PSD3: variants seen among roughly 807,000 people sequenced by gnomAD.
The protein encoded by PSD3 is pleckstrin and Sec7 domain containing 3, also known as PH and SEC7 domain-containing protein 3.
PSD3 carries 49 observed loss-of-function variants against 105.5 expected under a neutral mutation model. The ratio of observed to expected loss-of-function variants is 0.46; its 90% CI spans 0.37 to 0.59. PSD3 has a LOEUF of 0.59. Ranked by LOEUF, PSD3 falls within the 20% of genes least tolerant of loss-of-function variation. The probability of loss-of-function intolerance (pLI) is 0.00; values close to 1 mark genes in which losing one functional copy is unlikely to be tolerated. For missense variants in PSD3, 1,561 were observed against 1,263.8 expected (o/e 1.24, Z -3.57); for synonymous variants, 557 against 457.8 (o/e 1.22, Z -2.77).
chr8:18,975,962 A>T (rs1824923218), intron 1 of PSD3, among the ~76,000 whole-genome samples: 1 of 152,156 alleles, frequency 6.6e-6, no homozygotes, highest in Admixed American at 6.5e-5. Context: ...AATACGAATC[A>T]ATGCCTTAAA....
intron 1 of PSD3, among the ~76,000 whole-genome samples, chr8:19,077,846 G>A (rs1285644483): frequency 6.6e-6 from 1 of 152,120 alleles, no homozygotes; most frequent in Non-Finnish European, 1.5e-5. Flanking sequence ...AGGGCATGTG[G>A]CTAATCTCCA....
chr8:18,987,803 A>G, intron 1 of PSD3, among the ~76,000 whole-genome samples: 1 of 152,044 alleles, frequency 6.6e-6, no homozygotes, highest in East Asian at 1.9e-4. Context: ...ACAGAGCAAG[A>G]CCCTGTCTCA....
At chr8:19,047,774 T>A (rs1828376871) in intron 1 of PSD3, among the ~76,000 whole-genome samples, 1 of 152,052 alleles carries the variant, frequency 6.6e-6, no homozygotes, top group Non-Finnish European at 1.5e-5. Flanking sequence ...TGGGTGTGCA[T>A]TAGAACAAGG....
intron 8 of PSD3, among the ~76,000 whole-genome samples, chr8:18,787,951 T>G (rs1376947643): frequency 6.6e-6 from 1 of 152,082 alleles, no homozygotes; most frequent in African/African-American, 2.4e-5. Context: ...GACCAGAGAG[T>G]AAATATTTTA....
intron 8 of PSD3, among the ~76,000 whole-genome samples, chr8:18,782,560 G>C (rs1808741983): frequency 6.6e-6 from 1 of 152,186 alleles, no homozygotes; most frequent in African/African-American, 2.4e-5. Context: ...AACAGTGATG[G>C]CAACTCTGGG....
chr8:18,736,152 G>A (rs1038325216), intron 9 of PSD3, among the ~76,000 whole-genome samples: 3 of 152,160 alleles, frequency 2.0e-5, no homozygotes, highest in Non-Finnish European at 4.4e-5. Flanking sequence ...TATATCTCAC[G>A]TAATTTCTAT....
At chr8:18,895,714 A>G (rs1462263219) in intron 2 of PSD3, among the ~76,000 whole-genome samples, 2 of 152,232 alleles carry the variant, frequency 1.3e-5, no homozygotes, top group Non-Finnish European at 2.9e-5. Context: ...GATACAGTGT[A>G]TTTCCACACA....
rs1456768393 is a variant in PSD3, at chr8:18,955,019, A to C, written c.22-18877T>G. The stretch of plus-strand genomic sequence containing the variant: ...AAATAAGCAGAGTACACAATGTGCT[A>C]GTCAGCTTTCACTAGATTAGTTGTG... On this transcript the variant is annotated intron_variant, in intron 1 of 15. Transcript: ENST00000327040. Among the ~76,000 whole-genome samples, 5 of 152,360 alleles carry C rather than the reference A, an allele frequency of 3.3e-5. No individual in the cohort carries two copies. In the East Asian group the frequency reaches 9.6e-4, roughly 29 times the overall value.
At chr8:18,814,257 C>A (rs769049434) in intron 4 of PSD3, among the ~76,000 whole-genome samples, 1 of 152,158 alleles carries the variant, frequency 6.6e-6, no homozygotes, top group Non-Finnish European at 1.5e-5. Context: ...CAGCCCCACC[C>A]GCCGCATACC....
At chr8:18,707,945 G>C (rs1328258263) in intron 9 of PSD3, among the ~76,000 whole-genome samples, 1 of 152,200 alleles carries the variant, frequency 6.6e-6, no homozygotes, top group Admixed American at 6.5e-5. Context: ...GAATTGCTCA[G>C]GGCAACAGAG....
chr8:18,715,065 G>C (rs1422100170), intron 9 of PSD3, among the ~76,000 whole-genome samples: 1 of 152,210 alleles, frequency 6.6e-6, no homozygotes, highest in Non-Finnish European at 1.5e-5. Flanking sequence ...TCACTCATAA[G>C]TGGGAGATGA....
intron 11 of PSD3, among the ~76,000 whole-genome samples, chr8:18,608,207 G>A (rs1351389059): frequency 6.6e-6 from 1 of 152,136 alleles, no homozygotes; most frequent in Non-Finnish European, 1.5e-5. Context: ...GTGACAAAGT[G>A]AGATCCTGTC....
rs1396646575 is a variant in PSD3, at chr8:18,755,487, A to ATAACATAACATAAG, written c.2172+9961_2172+9962insCTTATGTTATGTTA. 7.3e-3 allele frequency among the ~76,000 whole-genome samples: 591 copies of ATAACATAACATAAG among 80,812 alleles called. 6 individuals carry two copies. Among genetic ancestry groups the ATAACATAACATAAG allele is most frequent in the South Asian group, 0.018 (46 of 2,492 alleles). The allele number at this position is 80,812 out of a possible 152,430, so 53.0% of individuals were successfully genotyped here. ...CATAACATAACATAACATAACATAAAAATGCTCCAAACATACAAACATTCA... is the reference window on the plus strand; with the variant it reads ...CATAACATAACATAACATAACATAAATAACATAACATAAGAATGCTCCAAACATACAAACATTCA... On this transcript the variant is annotated intron_variant, in intron 9 of 15. Transcript: ENST00000327040.
rs1563293870 is a variant in PSD3 at position 18,533,254 on chromosome 8, G to C, written c.*2489C>G. On this transcript the variant is annotated 3_prime_UTR_variant, in exon 16 of 16. Coordinates refer to ENST00000327040, the MANE Select transcript of PSD3 (RefSeq NM_015310.4). Reference sequence around the variant, plus strand: ...GACAGCAACCTTCAGAAGCCTCAGGGAAGAGGTGTTCTCAGCCCATGCGCT... The same window carrying C: ...GACAGCAACCTTCAGAAGCCTCAGGCAAGAGGTGTTCTCAGCCCATGCGCT... 1 of 152,196 alleles carries C rather than the reference G, an allele frequency of 6.6e-6. No individual in the cohort carries two copies. Among genetic ancestry groups the C allele is most frequent in the Non-Finnish European group, 1.5e-5 (1 of 68,066 alleles). The allele number at this position is 152,196 out of a possible 1,614,324, so 9.4% of individuals were successfully genotyped here.
At chr8:18,595,985 G>C (rs1296550897) in intron 12 of PSD3, among the ~76,000 whole-genome samples, 3 of 151,834 alleles carry the variant, frequency 2.0e-5, no homozygotes, top group Non-Finnish European at 2.9e-5. Flanking sequence ...ACATTCTCTG[G>C]GATAGATAAA....
At chr8:19,066,359 T>A (rs1829075494) in intron 1 of PSD3, among the ~76,000 whole-genome samples, 1 of 152,264 alleles carries the variant, frequency 6.6e-6, no homozygotes, top group African/African-American at 2.4e-5. Context: ...TCTGGCTGGA[T>A]ATAGGCCATT....
chr8:18,843,920 T>G (rs1046375366), intron 4 of PSD3, among the ~76,000 whole-genome samples: 1 of 146,602 alleles, frequency 6.8e-6, no homozygotes, highest in African/African-American at 2.5e-5. Flanking sequence ...AGACTATTTT[T>G]TTTTTTTTTT....
Position 18,531,292 on chromosome 8 carries a change from TTCTC to T in PSD3, c.*4447_*4450del, listed in dbSNP as rs767925851. 6.5e-6 allele frequency: 1 copy of T among 152,688 alleles called. No homozygotes were observed. The highest frequency in any genetic ancestry group is 1.5e-5 in the Non-Finnish European group (1 of 68,054). 9.5% of individuals were successfully genotyped at this position (152,688 alleles called of 1,614,324 possible). ...ATGCAGATTCAAGTATTTAATGACA[TTCTC>T]TCTATGAAGACATTCTCTCTGCATG... On this transcript the variant is annotated 3_prime_UTR_variant, in exon 16 of 16. Coordinates refer to ENST00000327040, the MANE Select transcript of PSD3 (RefSeq NM_015310.4).
intron 1 of PSD3, among the ~76,000 whole-genome samples, chr8:19,055,516 G>T (rs1022871066): frequency 7.2e-5 from 11 of 152,328 alleles, no homozygotes; most frequent in African/African-American, 2.6e-4. Flanking sequence ...GCCTCCCAAA[G>T]TGCTGGGATT....
Sources: allele counts gnomAD v4.1 joint callset (sites outside exome capture counted in the v4.1 genomes callset), GRCh38; gene constraint gnomAD v4.1.1; transcripts MANE v1.5; gene names NCBI Gene and HGNC (gene_info 2026-07-23, HGNC 2026-07-21).